BNC2: variants seen among roughly 807,000 people sequenced by gnomAD.
The protein encoded by BNC2 is zinc finger protein basonuclin-2.
BNC2 carries 20 observed loss-of-function variants against 76.3 expected under a neutral mutation model. That is an observed-to-expected ratio of 0.26 (90% CI 0.18 to 0.38). The LOEUF (loss-of-function observed/expected upper bound fraction) is 0.38, where lower values mean the gene tolerates loss of function less well. BNC2 is among the 10% of genes least tolerant of loss of function. The pLI, the probability that BNC2 is intolerant of heterozygous loss-of-function variation, is 1.00. For synonymous variants in BNC2, 582 were observed against 514.8 expected (o/e 1.13, Z -1.77); for missense variants, 1,382 against 1,399.8 (o/e 0.99, Z 0.20).
At chr9:16,445,953 A>T (rs756777977) in intron 5 of BNC2, among the ~76,000 whole-genome samples, 1 of 152,208 alleles carries the variant, frequency 6.6e-6, no homozygotes, top group Non-Finnish European at 1.5e-5. Flanking sequence ...CTACAGGAAT[A>T]TCCACCATTA....
intron 1 of BNC2, among the ~76,000 whole-genome samples, chr9:16,756,748 G>A (rs1023105250): frequency 2.6e-5 from 4 of 152,204 alleles, no homozygotes; most frequent in Admixed American, 2.6e-4. Context: ...CCAGCACTTT[G>A]GGAGGCTGAG....
chr9:16,846,126 C>A (rs1276196119), intron 1 of BNC2, among the ~76,000 whole-genome samples: 1 of 136,186 alleles, frequency 7.3e-6, no homozygotes, highest in Non-Finnish European at 1.5e-5. Context: ...GGAGACAGAG[C>A]GAGACACCGT....
intron 1 of BNC2, among the ~76,000 whole-genome samples, chr9:16,853,565 T>C (rs562365774): frequency 6.6e-6 from 1 of 152,144 alleles, no homozygotes; most frequent in South Asian, 2.1e-4. Context: ...TTCAGACACA[T>C]TTTCAAATTT....
At chr9:16,527,031 G>A (rs57046305) in intron 5 of BNC2, among the ~76,000 whole-genome samples, 2,225 of 152,238 alleles carry the variant, frequency 0.015, 60 homozygotes, top group African/African-American at 0.051. Flanking sequence ...GAATTAATTT[G>A]GGGAAGTGTT....
chr9:16,551,033 C>T lies in BNC2; in HGVS notation c.669+1497G>A, dbSNP rs549100025. On this transcript the variant is annotated intron_variant, in intron 5 of 6. Transcript: ENST00000380672. ...TGGCCCCTTCCTCCTAGATCTTGTT[C>T]CCCCTCATGCCCCCTGACCGTCCAA... Among the ~76,000 whole-genome samples, 20 of 152,198 alleles carry T rather than the reference C, an allele frequency of 1.3e-4. No individual in the cohort carries two copies. In the East Asian group the frequency reaches 3.7e-3, roughly 28 times the overall value.
At chr9:16,784,182 G>A (rs1422329400) in intron 1 of BNC2, among the ~76,000 whole-genome samples, 1 of 152,182 alleles carries the variant, frequency 6.6e-6, no homozygotes, top group African/African-American at 2.4e-5. Context: ...GATTCTGGGA[G>A]CACAGTCCCA....
At chr9:16,594,844 C>A (rs1435298107) in intron 3 of BNC2, among the ~76,000 whole-genome samples, 1 of 152,022 alleles carries the variant, frequency 6.6e-6, no homozygotes, top group Non-Finnish European at 1.5e-5. Context: ...GCCTGATAAT[C>A]CCCCTTGTTC....
intron 3 of BNC2, among the ~76,000 whole-genome samples, chr9:16,673,804 T>C (rs1202213461): frequency 6.6e-6 from 1 of 152,202 alleles, no homozygotes; most frequent in East Asian, 1.9e-4. Flanking sequence ...GGGACAGCCA[T>C]TTTTTTAATG....
chr9:16,768,620 G>T (rs1478402200), intron 1 of BNC2, among the ~76,000 whole-genome samples: 1 of 151,630 alleles, frequency 6.6e-6, no homozygotes, highest in Non-Finnish European at 1.5e-5. Flanking sequence ...TGAGGGGGGT[G>T]GAATCCAACC....
intron 1 of BNC2, among the ~76,000 whole-genome samples, chr9:16,856,329 G>A (rs1471670061): frequency 2.0e-5 from 3 of 151,250 alleles, no homozygotes; most frequent in African/African-American, 7.3e-5. Flanking sequence ...AATTATCACT[G>A]TCCTTTGTAC....
At chr9:16,860,457 T>C (rs1819370519) in intron 1 of BNC2, among the ~76,000 whole-genome samples, 1 of 152,172 alleles carries the variant, frequency 6.6e-6, no homozygotes, top group Non-Finnish European at 1.5e-5. Flanking sequence ...TTTCAACAAA[T>C]AGTGCTGGGA....
chr9:16,539,763 GGAAA>G (rs1563830994), intron 5 of BNC2, among the ~76,000 whole-genome samples: 4 of 82,714 alleles, frequency 4.8e-5, no homozygotes, highest in African/African-American at 2.2e-4. Context: ...GGAAAGGAAA[GGAAA>G]AGAAAGGAAA....
intron 3 of BNC2, among the ~76,000 whole-genome samples, chr9:16,592,466 T>A (rs1196321633): frequency 6.6e-6 from 1 of 152,122 alleles, no homozygotes; most frequent in African/African-American, 2.4e-5. Context: ...TCCATTCAGA[T>A]GAAATGTTCA....
chr9:16,505,005 C>G (rs1822595862), intron 5 of BNC2, among the ~76,000 whole-genome samples: 1 of 152,196 alleles, frequency 6.6e-6, no homozygotes, highest in Admixed American at 6.5e-5. Context: ...AGTCAACTGT[C>G]CAGGTTTGAA....
intron 3 of BNC2, among the ~76,000 whole-genome samples, chr9:16,627,393 T>A (rs1057239948): frequency 6.6e-6 from 1 of 152,160 alleles, no homozygotes; most frequent in Non-Finnish European, 1.5e-5. Flanking sequence ...ACAGCAGCAA[T>A]GGCATTCATT....
intron 5 of BNC2, among the ~76,000 whole-genome samples, chr9:16,452,133 G>A (rs554171287): frequency 2.0e-5 from 3 of 152,274 alleles, no homozygotes; most frequent in Admixed American, 2.0e-4. Flanking sequence ...TGAAGAACAA[G>A]TTAAGAATGA....
chr9:16,591,913 T>G (rs1215321804), intron 3 of BNC2, among the ~76,000 whole-genome samples: 1 of 152,184 alleles, frequency 6.6e-6, no homozygotes, highest in Non-Finnish European at 1.5e-5. Flanking sequence ...AAATGATTAT[T>G]TTGTTGTACT....
In BNC2 at chr9:16,700,235, A is replaced by C. The variant is rs149260994; in HGVS notation, c.330+27562T>G. 1.2e-3 allele frequency among the ~76,000 whole-genome samples: 183 copies of C among 152,322 alleles called. 3 individuals are homozygous for C. In the East Asian group the frequency reaches 0.025, roughly 21 times the overall value. ...ACTTCATTGCTATGGATGAAACAAA[A>C]TTTATACCCTGAAAATTAACATTTA... On this transcript the variant is annotated intron_variant, in intron 3 of 6. Transcript: ENST00000380672.
rs537027992 is a variant in BNC2, at chr9:16,711,069, C to G, written c.330+16728G>C. On this transcript the variant is annotated intron_variant, in intron 3 of 6. Transcript: ENST00000380672. ...AATGAGAGCAGATGAATTAGTGCTA[C>G]GTGACACGATTTGAGCAGGGCTTCC... Among the ~76,000 whole-genome samples, 185 of 151,952 alleles carry G rather than the reference C, an allele frequency of 1.2e-3. 1 individual carries two copies. The highest frequency in any genetic ancestry group is 4.0e-3 in the African/African-American group (164 of 41,428).
Sources: gnomAD v4.1 joint callset for allele counts (sites outside exome capture counted in the v4.1 genomes callset) on GRCh38, gnomAD v4.1.1 for gene constraint, MANE v1.5 for transcripts, NCBI Gene and HGNC (gene_info 2026-07-23, HGNC 2026-07-21) for gene names.